The following AUTS2 variants were observed in gnomAD, a reference collection of about 807,000 sequenced individuals.
The protein encoded by AUTS2 is autism susceptibility gene 2 protein.
In AUTS2, 17 loss-of-function variants were observed where a neutral mutation model predicts 112.4. The ratio of observed to expected loss-of-function variants is 0.15; its 90% CI spans 0.10 to 0.23. The LOEUF (loss-of-function observed/expected upper bound fraction) is 0.23, where lower values mean the gene tolerates loss of function less well. Among genes scored for constraint, AUTS2 ranks in the 10% least tolerant of loss-of-function variants. AUTS2 has a pLI of 1.00. For synonymous variants in AUTS2, 751 were observed against 702.7 expected (o/e 1.07, Z -1.09); for missense variants, 1,510 against 1,701.6 (o/e 0.89, Z 1.98).
chr7:70,191,995 GA>G (rs538253569), intron 4 of AUTS2, among the ~76,000 whole-genome samples: 151 of 151,392 alleles, frequency 1.0e-3, no homozygotes, highest in African/African-American at 3.6e-3. Flanking sequence ...AAAAAAAAAA[GA>G]AAAGAGAAAA....
At chr7:70,597,331 G>T (rs762407221) in intron 5 of AUTS2, among the ~76,000 whole-genome samples, 11 of 152,218 alleles carry the variant, frequency 7.2e-5, no homozygotes, top group Non-Finnish European at 2.9e-5. Context: ...TCCTGCCGGG[G>T]TATTAACCCC....
At chr7:69,688,399 C>T (rs1162636538) in intron 1 of AUTS2, among the ~76,000 whole-genome samples, 1 of 152,174 alleles carries the variant, frequency 6.6e-6, no homozygotes, top group Non-Finnish European at 1.5e-5. Flanking sequence ...TTATTTTGTA[C>T]TTGGAAATTT....
intron 4 of AUTS2, among the ~76,000 whole-genome samples, chr7:70,278,359 G>A (rs181038667): frequency 3.9e-5 from 6 of 152,192 alleles, no homozygotes; most frequent in Admixed American, 6.5e-5. Flanking sequence ...CAGGAGGATC[G>A]CTTGATTGAG....
chr7:69,697,275 T>C (rs985659864), intron 1 of AUTS2, among the ~76,000 whole-genome samples: 2 of 152,236 alleles, frequency 1.3e-5, no homozygotes, highest in African/African-American at 4.8e-5. Context: ...GCAAATGAAC[T>C]GAATTGTATA....
intron 2 of AUTS2, among the ~76,000 whole-genome samples, chr7:69,974,996 T>G (rs1797998286): frequency 6.6e-6 from 1 of 152,056 alleles, no homozygotes; most frequent in African/African-American, 2.4e-5. Flanking sequence ...AAATAGAACT[T>G]CCTTTAGCCA....
chr7:69,834,590 C>T (rs1043217142), intron 1 of AUTS2, among the ~76,000 whole-genome samples: 3 of 152,226 alleles, frequency 2.0e-5, no homozygotes, highest in African/African-American at 4.8e-5. Context: ...TGGTGTGTTA[C>T]ATTCTGTGTG....
chr7:69,957,228 C>T (rs1286864467), intron 2 of AUTS2, among the ~76,000 whole-genome samples: 1 of 151,762 alleles, frequency 6.6e-6, no homozygotes, highest in Non-Finnish European at 1.5e-5. Flanking sequence ...AATGAGAGAA[C>T]ATAAACACAG....
chr7:69,860,775 G>T (rs546052437), intron 1 of AUTS2, among the ~76,000 whole-genome samples: 1 of 152,184 alleles, frequency 6.6e-6, no homozygotes, highest in South Asian at 2.1e-4. Context: ...GGTCCCACAG[G>T]GTGTGTCCTT....
rs577883767 is a variant in AUTS2, at chr7:69,654,398, A to C, written c.309+54436A>C. 3.9e-5 allele frequency among the ~76,000 whole-genome samples: 6 copies of C among 152,332 alleles called. No individual in the cohort carries two copies. In the South Asian group the frequency reaches 1.2e-3, roughly 32 times the overall value. ...TATCCTGCCCCAGACCTTCACAGGG[A>C]GCAGTAATAATGCCTAAACCTTATT... On this transcript the variant is annotated intron_variant, in intron 1 of 18. Coordinates refer to ENST00000342771, the MANE Select transcript of AUTS2 (RefSeq NM_015570.4).
intron 4 of AUTS2, among the ~76,000 whole-genome samples, chr7:70,181,588 A>G (rs1809306978): frequency 6.6e-6 from 1 of 150,882 alleles, no homozygotes; most frequent in African/African-American, 2.4e-5. Context: ...CCTGGGTTCA[A>G]GGATTCTCCT....
At chr7:70,490,646 GCTTTCAGGGCACCTGGA>G (rs1414405347) in intron 5 of AUTS2, among the ~76,000 whole-genome samples, 5 of 152,092 alleles carry the variant, frequency 3.3e-5, no homozygotes, top group Admixed American at 6.5e-5. Context: ...ATAATGCTTG[GCTTTCAGGGCACCTGGA>G]CTTGCTCAAA....
intron 5 of AUTS2, among the ~76,000 whole-genome samples, chr7:70,551,042 A>T (rs62455791): frequency 0.071 from 10,797 of 152,224 alleles, 587 homozygotes; most frequent in Non-Finnish European, 0.097. Context: ...CACATCAAAG[A>T]AACACAGAGG....
intron 4 of AUTS2, among the ~76,000 whole-genome samples, chr7:70,307,250 A>G (rs1254832887): frequency 6.6e-6 from 1 of 152,218 alleles, no homozygotes; most frequent in Non-Finnish European, 1.5e-5. Context: ...ACTAGCACGC[A>G]GTAGCTCATA....
At chr7:69,906,187 C>T (rs1454432980) in intron 2 of AUTS2, among the ~76,000 whole-genome samples, 1 of 152,158 alleles carries the variant, frequency 6.6e-6, no homozygotes, top group Admixed American at 6.5e-5. Context: ...GGACAGAACT[C>T]CCTTTCTTTA....
intron 6 of AUTS2, among the ~76,000 whole-genome samples, chr7:70,715,643 T>G (rs1344322610): frequency 1.3e-5 from 2 of 152,298 alleles, no homozygotes; most frequent in African/African-American, 4.8e-5. Context: ...GTGATTCTCC[T>G]GCCTTGGCCT....
intron 1 of AUTS2, among the ~76,000 whole-genome samples, chr7:69,609,470 T>C (rs1339552299): frequency 6.6e-6 from 1 of 152,144 alleles, no homozygotes; most frequent in Non-Finnish European, 1.5e-5. Context: ...TTTATAAGGA[T>C]GTAAAATAAA....
At chr7:70,075,616 A>G (rs1480251678) in intron 2 of AUTS2, among the ~76,000 whole-genome samples, 1 of 152,210 alleles carries the variant, frequency 6.6e-6, no homozygotes, top group Non-Finnish European at 1.5e-5. Flanking sequence ...TTGACAGTAC[A>G]AATACACATG....
At chr7:70,586,647 A>C (rs38322) in intron 5 of AUTS2, among the ~76,000 whole-genome samples, 21,034 of 152,120 alleles carry the variant, frequency 0.14, 1,735 homozygotes, top group East Asian at 0.2. Flanking sequence ...ATGTTTCTCG[A>C]GTTCTCAGCA....
At chr7:69,643,772 T>A (rs973138765) in intron 1 of AUTS2, among the ~76,000 whole-genome samples, 24 of 152,088 alleles carry the variant, frequency 1.6e-4, no homozygotes, top group African/African-American at 5.8e-4. Context: ...TGAATTGTAT[T>A]CTCCACCCCC....
Sources: gnomAD v4.1 joint callset for allele counts (sites outside exome capture counted in the v4.1 genomes callset) on GRCh38, gnomAD v4.1.1 for gene constraint, MANE v1.5 for transcripts, NCBI Gene and HGNC (gene_info 2026-07-23, HGNC 2026-07-21) for gene names.